The following MAP3K5 variants were observed in gnomAD, a reference collection of about 807,000 sequenced individuals.
The protein encoded by MAP3K5 is ASK-1.
MAP3K5 carries 56 observed loss-of-function variants against 158.7 expected under a neutral mutation model. The observed-to-expected ratio is 0.35, with a 90% confidence interval of 0.28 to 0.44. The LOEUF is 0.44. MAP3K5 is among the 20% of genes least tolerant of loss of function. MAP3K5 has a pLI of 1.00. For missense variants in MAP3K5, 1,294 were observed against 1,674.8 expected, an observed-to-expected ratio of 0.77 and a Z score of 3.97; for synonymous variants, 579 against 601.7, an observed-to-expected ratio of 0.96 and a Z score of 0.55.
chr6:136,674,956 A>G (rs2114558372), intron 7 of MAP3K5, among the ~76,000 whole-genome samples: 1 of 152,162 alleles, frequency 6.6e-6, no homozygotes, highest in South Asian at 2.1e-4. Flanking sequence ...TATATAGAAA[A>G]GATACTTAAG....
rs562880886 is a variant in MAP3K5 at position 136,574,886 on chromosome 6, T to C, written c.3517+5415A>G. Among the ~76,000 whole-genome samples, 417 of 152,078 alleles carry C rather than the reference T, an allele frequency of 2.7e-3. 3 individuals carry two copies. The highest frequency in any genetic ancestry group is 9.5e-3 in the African/African-American group (396 of 41,506). ...TTGTATCTTTAGTAGAGATGGGGTTTCACTGTGTTAGCCAGGATGGTCTTG... is the reference window on the plus strand; with the variant it reads ...TTGTATCTTTAGTAGAGATGGGGTTCCACTGTGTTAGCCAGGATGGTCTTG... On this transcript the variant is annotated intron_variant, in intron 25 of 29. Coordinates refer to ENST00000359015, the MANE Select transcript of MAP3K5 (RefSeq NM_005923.4).
intron 9 of MAP3K5, 113 bp downstream of exon 9, chr6:136,659,106 C>G: frequency 1.0e-6 from 1 of 961,198 alleles, no homozygotes. Flanking sequence ...CTATATTCTG[C>G]ATTTTATTTT....
chr6:136,619,737 G>T (rs966649856), intron 15 of MAP3K5, among the ~76,000 whole-genome samples: 4 of 152,232 alleles, frequency 2.6e-5, no homozygotes, highest in African/African-American at 9.6e-5. Context: ...CCCAGCGACA[G>T]GCCTGAAGGC....
In MAP3K5 at chr6:136,729,331, G is replaced by A. The variant is rs1031920666; in HGVS notation, c.449-8742C>T. 1.6e-4 allele frequency among the ~76,000 whole-genome samples: 24 copies of A among 150,402 alleles called. 1 individual carries two copies. Among genetic ancestry groups the A allele is most frequent in the African/African-American group, 6.0e-4 (24 of 39,674 alleles). Reference sequence around the variant, plus strand: ...TTGTGTTTCTGGATGGATGACGTCAGACAATACCTCGAACTCTCTGAGCTG... The same window carrying A: ...TTGTGTTTCTGGATGGATGACGTCAAACAATACCTCGAACTCTCTGAGCTG... On this transcript the variant is annotated intron_variant, in intron 1 of 29. Coordinates refer to ENST00000359015, the MANE Select transcript of MAP3K5 (RefSeq NM_005923.4).
chr6:136,636,966 G>A (rs1777665812), intron 14 of MAP3K5: 12 of 1,034,844 alleles, frequency 1.2e-5, no homozygotes, highest in Non-Finnish European at 1.4e-5. Context: ...TGCCACAAGG[G>A]TGCTATCAAC....
intron 1 of MAP3K5, among the ~76,000 whole-genome samples, chr6:136,733,873 T>A (rs995427039): frequency 2.6e-5 from 4 of 152,186 alleles, no homozygotes; most frequent in Admixed American, 2.6e-4. Flanking sequence ...TAGATAAATT[T>A]ATCATGATAT....
At chr6:136,772,745 T>A (rs932283491) in intron 1 of MAP3K5, among the ~76,000 whole-genome samples, 1 of 152,206 alleles carries the variant, frequency 6.6e-6, no homozygotes, top group Non-Finnish European at 1.5e-5. Flanking sequence ...TAAAAATGAA[T>A]CATGTTCACT....
intron 7 of MAP3K5, among the ~76,000 whole-genome samples, chr6:136,687,747 TGA>T (rs1334470602): frequency 6.6e-6 from 1 of 152,026 alleles, no homozygotes; most frequent in Non-Finnish European, 1.5e-5. Context: ...GTTAGAACGG[TGA>T]TCATTAAAAA....
chr6:136,606,599 G>A (rs1010334066), intron 18 of MAP3K5, among the ~76,000 whole-genome samples: 7 of 152,170 alleles, frequency 4.6e-5, no homozygotes, highest in African/African-American at 1.7e-4. Context: ...CTAGCAATGA[G>A]TCAGGAGCAT....
chr6:136,629,704 T>G (rs1428370414), intron 14 of MAP3K5, among the ~76,000 whole-genome samples: 1 of 152,126 alleles, frequency 6.6e-6, no homozygotes, highest in Non-Finnish European at 1.5e-5. Flanking sequence ...TCCACCCGCC[T>G]TGGTCTCCCA....
chr6:136,763,501 C>T (rs986220914), intron 1 of MAP3K5, among the ~76,000 whole-genome samples: 2 of 152,166 alleles, frequency 1.3e-5, no homozygotes, highest in Non-Finnish European at 2.9e-5. Flanking sequence ...GTTTTCTACC[C>T]ACCCTATCTA....
chr6:136,792,709 C>G (rs372184364), upstream of MAP3K5, among the ~76,000 whole-genome samples: 1 of 152,192 alleles, frequency 6.6e-6, no homozygotes, highest in Admixed American at 6.6e-5. The surrounding 1 kb of genome is among the most constrained non-coding windows in gnomAD (Gnocchi z 5.7). Flanking sequence ...CGAAAGGACC[C>G]TCCTCCCTCT....
At chr6:136,619,636 T>C (rs552662358) in intron 15 of MAP3K5, among the ~76,000 whole-genome samples, 31 of 152,264 alleles carry the variant, frequency 2.0e-4, no homozygotes, top group African/African-American at 7.5e-4. Context: ...GAAAGACCTC[T>C]GTGACTCCTC....
In MAP3K5 at chr6:136,737,463, G is replaced by C. The variant is rs999928806; in HGVS notation, c.449-16874C>G. Among the ~76,000 whole-genome samples, 14 of 152,098 alleles carry C rather than the reference G, an allele frequency of 9.2e-5. No homozygotes were observed. The Middle Eastern group carries it at 9.5e-3, about 103-fold the overall frequency. ...AAAGACCCTCACCAGCCCCACAATG[G>C]GGAAAATGAGATAAGCCTGCTGAAT... On this transcript the variant is annotated intron_variant, in intron 1 of 29. Transcript: ENST00000359015.
chr6:136,689,865 A>C (rs112149282), intron 7 of MAP3K5, among the ~76,000 whole-genome samples: 1 of 152,124 alleles, frequency 6.6e-6, no homozygotes, highest in African/African-American at 2.4e-5. Flanking sequence ...AGTCCCTCTA[A>C]AGTGTGAAAA....
chr6:136,572,691 G>A (rs116738593), intron 25 of MAP3K5, among the ~76,000 whole-genome samples: 16 of 152,128 alleles, frequency 1.1e-4, no homozygotes, highest in African/African-American at 3.6e-4. Context: ...TATATATGAC[G>A]TAAAAAATTC....
chr6:136,734,593 A>G (rs1360638440), intron 1 of MAP3K5, among the ~76,000 whole-genome samples: 1 of 152,170 alleles, frequency 6.6e-6, no homozygotes, highest in Admixed American at 6.5e-5. Flanking sequence ...CTCATTTTGT[A>G]TAAAACATTT....
chr6:136,655,753 C>A (rs1778714526), intron 10 of MAP3K5, among the ~76,000 whole-genome samples: 1 of 151,316 alleles, frequency 6.6e-6, no homozygotes. Flanking sequence ...ACATTTAAAT[C>A]TATATGTCTG....
At chr6:136,660,132 A>G (rs1455714327) in intron 8 of MAP3K5, among the ~76,000 whole-genome samples, 1 of 152,216 alleles carries the variant, frequency 6.6e-6, no homozygotes, top group African/African-American at 2.4e-5. Flanking sequence ...TAAAAGGAAA[A>G]TCTTACCTTT....
Sources: gnomAD v4.1 joint callset for allele counts (sites outside exome capture counted in the v4.1 genomes callset) on GRCh38, gnomAD v4.1.1 for gene constraint, Gnocchi (gnomAD v3.1) non-coding constraint, MANE v1.5 for transcripts, NCBI Gene and HGNC (gene_info 2026-07-23, HGNC 2026-07-21) for gene names.